LRRC9: variants seen among roughly 807,000 people sequenced by gnomAD.
LRRC9 encodes the protein leucine-rich repeat-containing protein 9.
In LRRC9, 122 loss-of-function variants were observed where a neutral mutation model predicts 63.2. That is an observed-to-expected ratio of 1.93 (90% confidence interval 1.67 to 2.24). The LOEUF (loss-of-function observed/expected upper bound fraction) is 2.24. Ranked by LOEUF, LRRC9 falls within the 30% of genes most tolerant of loss-of-function variation. The pLI, the probability that LRRC9 is intolerant of heterozygous loss-of-function variation, is 0.00. For synonymous variants in LRRC9, 366 were observed against 213.1 expected (o/e 1.72, Z -6.25); for missense variants, 1,071 against 627.7 (o/e 1.71, Z -7.55).
At chr14:60,019,300 TG>T in intron 26 of LRRC9, 40 bp downstream of exon 26, 1 of 653,946 alleles carries the variant, frequency 1.5e-6, no homozygotes, top group South Asian at 1.7e-5. Flanking sequence ...TAATTTTGGC[TG>T]GGAATTTTAA....
rs747592565 is a variant in LRRC9, at chr14:59,985,060, A to C, written c.2092-45A>C. On this transcript the variant is annotated intron_variant, in intron 16 of 31. Transcript: ENST00000445360. ...TATCCACACTTCAGTTTGATGTAGA[A>C]TGTAACCTGTATTATTTTTTAATGT... is the stretch of plus-strand genomic sequence containing the variant. 25 of 578,700 alleles carry C rather than the reference A, an allele frequency of 4.3e-5. 1 individual carries two copies. In the South Asian group the frequency reaches 5.5e-4, roughly 13 times the overall value. The allele number at this position is 578,700 out of a possible 1,614,324, so 35.8% of individuals were successfully genotyped here. A position where few individuals can be genotyped will look rare whatever the true frequency, so the allele number is the denominator to read the frequency against.
rs1217923879 is a variant in LRRC9, at chr14:59,936,108, C to A, written c.544-2282C>A. Among the ~76,000 whole-genome samples the A allele has an allele frequency of 6.6e-6, 1 of 152,032 alleles. No homozygotes were observed. The highest frequency in any genetic ancestry group is 2.4e-5 in the African/African-American group (1 of 41,402). Reference sequence around the variant, plus strand: ...CAATGTAAAGTACCTAAATAGTGACCAGCACATAGTAAGGACTCAACAGAT... The same window carrying A: ...CAATGTAAAGTACCTAAATAGTGACAAGCACATAGTAAGGACTCAACAGAT... On this transcript the variant is annotated intron_variant, in intron 6 of 31. Transcript: ENST00000445360. The surrounding 1 kb of genome is among the most constrained non-coding windows in gnomAD (Gnocchi z 4.2).
intron 5 of LRRC9, 68 bp downstream of exon 5, chr14:59,931,750 T>C (rs1261110036): frequency 9.5e-6 from 6 of 633,676 alleles, no homozygotes; most frequent in Non-Finnish European, 1.4e-5. Flanking sequence ...AAAAAGTACA[T>C]GCTTAGATTT....
intron 17 of LRRC9, among the ~76,000 whole-genome samples, chr14:59,994,227 A>C (rs1273377586): frequency 6.6e-6 from 1 of 152,262 alleles, no homozygotes; most frequent in South Asian, 2.1e-4. Flanking sequence ...TCTCAAAAGA[A>C]GACATTTATG....
Position 60,053,319 on chromosome 14 carries a change from T to C in LRRC9, c.4131+114T>C. On this transcript the variant is annotated intron_variant, in intron 30 of 31. Transcript: ENST00000445360. The surrounding 1 kb of genome is among the most constrained non-coding windows in gnomAD (Gnocchi z 4.8). ...CCTATGGCGTTTTTGATAAGGATGA[T>C]CTTAGTATCTATTTAGTGATTACTA... 1 of 590,540 alleles carries C rather than the reference T, an allele frequency of 1.7e-6. No individual in the cohort carries two copies. The allele number at this position is 590,540 out of a possible 1,614,324, so 36.6% of individuals were successfully genotyped here.
chr14:59,975,586 G>T (rs889528863), intron 13 of LRRC9, among the ~76,000 whole-genome samples: 1 of 151,994 alleles, frequency 6.6e-6, no homozygotes, highest in African/African-American at 2.4e-5. Flanking sequence ...ACATTCTTTA[G>T]TTCCACAAGT....
chr14:60,027,962 G>A lies in LRRC9; in HGVS notation c.3782G>A (p.Arg1261Gln), dbSNP rs898226716. Residue 1261 changes from arginine to glutamine, a missense_variant, in exon 28 of 32, where the codon CGA becomes CAA. Physicochemically the swap from Arg to Gln is conservative, Grantham distance 43 (BLOSUM62 1). Transcript: ENST00000445360. The surrounding 1 kb of genome is among the most constrained non-coding windows in gnomAD (Gnocchi z 4.0). ...TTGGTAGTGGACCATAACCGCATCC[G>A]ATCATTTAATGACAGTGCTTTTGCC... is the stretch of plus-strand genomic sequence containing the variant. The A allele has an allele frequency of 2.0e-5, 14 of 701,638 alleles. No homozygotes were observed. Among genetic ancestry groups the A allele is most frequent in the Non-Finnish European group, 2.6e-5 (10 of 384,226 alleles). 43.5% of individuals were successfully genotyped at this position (701,638 alleles called of 1,614,324 possible).
At chr14:60,005,091 C>T (rs900942665) in intron 21 of LRRC9, among the ~76,000 whole-genome samples, 1 of 151,950 alleles carries the variant, frequency 6.6e-6, no homozygotes, top group African/African-American at 2.4e-5. Flanking sequence ...TTTGATTTCA[C>T]AAAATTATAT....
chr14:59,952,377 C>A (rs921855703), intron 8 of LRRC9, among the ~76,000 whole-genome samples: 15 of 152,166 alleles, frequency 9.9e-5, no homozygotes, highest in East Asian at 1.9e-4. Context: ...GTGCGCGCAC[C>A]CACTGGCCTG....
intron 7 of LRRC9, among the ~76,000 whole-genome samples, chr14:59,943,034 AGTT>A (rs1881956881): frequency 6.6e-6 from 1 of 151,230 alleles, no homozygotes; most frequent in African/African-American, 2.4e-5. Context: ...TTTGCTGTTG[AGTT>A]GTTTGAGTTC....
chr14:59,928,588 C>A, intron 3 of LRRC9, 102 bp downstream of exon 3: 1 of 433,656 alleles, frequency 2.3e-6, no homozygotes, highest in Non-Finnish European at 4.0e-6. Flanking sequence ...TGGGTTAAGA[C>A]AGATAAATGA....
chr14:59,981,935 G>A (rs1488548594), exon 16 of LRRC9: 7 of 702,442 alleles, frequency 1.0e-5, no homozygotes, highest in African/African-American at 3.5e-5. Context: ...ATTTTCCAAG[G>A]ATTTGAAATT....
At chr14:59,973,863 T>C (rs1885811702) in intron 12 of LRRC9, among the ~76,000 whole-genome samples, 1 of 152,106 alleles carries the variant, frequency 6.6e-6, no homozygotes, top group African/African-American at 2.4e-5. Flanking sequence ...TGGCTATTAA[T>C]GTTAAACAAA....
At chr14:59,965,920 A>AAAAAAAAAAAAAAAAAAATG (rs1274886982) in intron 10 of LRRC9, among the ~76,000 whole-genome samples, 1 of 136,384 alleles carries the variant, frequency 7.3e-6, no homozygotes, top group African/African-American at 2.8e-5. Flanking sequence ...AAAAAAAAAA[A>AAAAAAAAAAAAAAAAAAATG]GATACTGGTG....
rs372572842 is a variant in LRRC9, at chr14:59,919,921, C to G, written c.-34+38C>G. ...ATAAGCGCAGGTACAGAAAAACCTG[C>G]CAGCGAGAAGCTCCCGCCGTTTCCC... On this transcript the variant is annotated intron_variant, in intron 1 of 31. Coordinates refer to ENST00000445360, the Ensembl canonical transcript of LRRC9. The surrounding 1 kb of genome is among the most constrained non-coding windows in gnomAD (Gnocchi z 4.5). 5.3e-5 allele frequency: 8 copies of G among 152,244 alleles called. No homozygotes were observed. The highest frequency in any genetic ancestry group is 1.7e-4 in the African/African-American group (7 of 41,462). The allele number at this position is 152,244 out of a possible 1,614,324, so 9.4% of individuals were successfully genotyped here.
At chr14:60,041,074 T>C (rs1892903745) in intron 29 of LRRC9, among the ~76,000 whole-genome samples, 2 of 151,974 alleles carry the variant, frequency 1.3e-5, no homozygotes, top group Admixed American at 6.5e-5. Flanking sequence ...TTTAAGAATG[T>C]TGAATATTGG....
At chr14:59,980,786 CCAGA>C (rs1418339931) in intron 15 of LRRC9, among the ~76,000 whole-genome samples, 3 of 152,044 alleles carry the variant, frequency 2.0e-5, no homozygotes, top group Admixed American at 2.0e-4. Flanking sequence ...ATACAGAAAC[CCAGA>C]CAAACAGTAA....
chr14:59,952,423 G>C (rs868377323), intron 8 of LRRC9, among the ~76,000 whole-genome samples: 44 of 152,084 alleles, frequency 2.9e-4, no homozygotes, highest in African/African-American at 9.4e-4. Flanking sequence ...GAGATGAACC[G>C]GGTACCTCAG....
chr14:60,012,832 G>A (rs1246506105), intron 23 of LRRC9, among the ~76,000 whole-genome samples: 3 of 152,102 alleles, frequency 2.0e-5, no homozygotes, highest in Non-Finnish European at 2.9e-5. Context: ...CCCTGATTTA[G>A]GAGGACATTA....
Sources: gnomAD v4.1 joint callset for allele counts (sites outside exome capture counted in the v4.1 genomes callset) on GRCh38, gnomAD v4.1.1 for gene constraint, Gnocchi (gnomAD v3.1) non-coding constraint, MANE v1.5 for transcripts, NCBI Gene and HGNC (gene_info 2026-07-23, HGNC 2026-07-21) for gene names.